EFHC1: variants seen among roughly 807,000 people sequenced by gnomAD.
EFHC1 encodes the protein EF-hand domain-containing protein 1.
Under a neutral mutation model 69.9 loss-of-function variants are expected in EFHC1, and 53 were observed. That is an observed-to-expected ratio of 0.76 (90% CI 0.61 to 0.95). The LOEUF is 0.95. Ranked by LOEUF, EFHC1 falls within the 40% of genes least tolerant of loss-of-function variation. The pLI is 0.00. For missense variants in EFHC1, 739 were observed against 798.7 expected (o/e 0.93, Z 0.90); for synonymous variants, 256 against 278.4 (o/e 0.92, Z 0.80).
Position 52,495,089 on chromosome 6 carries a change from T to C in EFHC1, c.*2748T>C, listed in dbSNP as rs756231505. The C allele has an allele frequency of 1.1e-5, 5 of 453,936 alleles. No homozygotes were observed. Among genetic ancestry groups the C allele is most frequent in the South Asian group, 7.8e-5 (5 of 64,474 alleles). 28.1% of individuals were successfully genotyped at this position (453,936 alleles called of 1,614,324 possible). A position where few individuals can be genotyped will look rare whatever the true frequency, so the allele number is the denominator to read the frequency against. On this transcript the variant is annotated 3_prime_UTR_variant, in exon 11 of 11. Transcript: ENST00000371068. ...CTGTACCTGATCACCCCGGCTCTAA[T>C]GGTATGGTCTCCAAGGCTCCTTCTG...
At chr6:52,469,290 C>G in intron 6 of EFHC1, 43 bp from the exon 7 acceptor site, 6 of 1,612,438 alleles carry the variant, frequency 3.7e-6, no homozygotes, top group Non-Finnish European at 5.1e-6. Context: ...AATCTTAACA[C>G]AAGTAGTATC....
intron 3 of EFHC1, among the ~76,000 whole-genome samples, chr6:52,442,051 G>A (rs1328779105): frequency 6.6e-6 from 1 of 152,156 alleles, no homozygotes; most frequent in African/African-American, 2.4e-5. Flanking sequence ...TCCAAACAGG[G>A]ATAGTTTGAC....
chr6:52,479,038 A>G lies in EFHC1; in HGVS notation c.1280A>G (p.Glu427Gly), dbSNP rs756563341. 6.5e-5 allele frequency: 105 copies of G among 1,613,286 alleles called. No individual in the cohort carries two copies. The highest frequency in any genetic ancestry group is 8.3e-5 in the Non-Finnish European group (98 of 1,179,882). The change falls in exon 8 of 11, where the codon GAA becomes GGA. Residue 427 changes from glutamate (E) to glycine (G), a missense_variant and splice_region_variant. By Grantham distance (98) the Glu-to-Gly change is moderately conservative. Transcript: ENST00000371068. ...NKVLRYLAVL[E>G]SPIPEDKDRR... Reference sequence around the variant, plus strand: ...ATCCTCTTTTCTTCACCTTTGTAGGAATCCCCCATCCCAGAAGACAAAGAC... The same window carrying G: ...ATCCTCTTTTCTTCACCTTTGTAGGGATCCCCCATCCCAGAAGACAAAGAC...
chr6:52,448,372 A>C (rs1168196400), intron 3 of EFHC1, among the ~76,000 whole-genome samples: 1 of 152,252 alleles, frequency 6.6e-6, no homozygotes, highest in Non-Finnish European at 1.5e-5. Flanking sequence ...CCTCTGAGCC[A>C]GGTGCGGGAT....
chr6:52,492,613 T>G lies in EFHC1; in HGVS notation c.*272T>G. 1.8e-6 allele frequency: 1 copy of G among 553,398 alleles called. No homozygotes were observed. The highest frequency in any genetic ancestry group is 1.5e-5 in the South Asian group (1 of 64,618). The allele number at this position is 553,398 out of a possible 1,614,324, so 34.3% of individuals were successfully genotyped here. Reference sequence around the variant, plus strand: ...CCCAAATATTTCCTTTCTTTCTTTTTAAAAAAATAAATTTTTTTAGAGATG... The same window carrying G: ...CCCAAATATTTCCTTTCTTTCTTTTGAAAAAAATAAATTTTTTTAGAGATG... On this transcript the variant is annotated 3_prime_UTR_variant, in exon 11 of 11. Coordinates refer to ENST00000371068, the MANE Select transcript of EFHC1 (RefSeq NM_018100.4).
At chr6:52,462,286 A>G (rs1488756403) in intron 5 of EFHC1, among the ~76,000 whole-genome samples, 1 of 152,028 alleles carries the variant, frequency 6.6e-6, no homozygotes, top group Non-Finnish European at 1.5e-5. Flanking sequence ...ACTCTAAAAA[A>G]AAGAGGTACT....
chr6:52,490,149 T>C lies in EFHC1; in HGVS notation c.1650T>C (p.Thr550=). Residue 550 remains threonine, a synonymous_variant, in exon 10 of 11, where the codon ACT becomes ACC. Transcript: ENST00000371068. Reference sequence around the variant, plus strand: ...CTTCCTTTCTCTACAGCAAGCAAACTGAAAAGGATCCAGGCGTGCAGGAAT... The same window carrying C: ...CTTCCTTTCTCTACAGCAAGCAAACCGAAAAGGATCCAGGCGTGCAGGAAT... The part of the protein sequence containing the change: ...APAPEAESKQ[T]EKDPGVQELE... The C allele has an allele frequency of 6.2e-7, 1 of 1,613,610 alleles. No homozygotes were observed. Among genetic ancestry groups the C allele is most frequent in the Non-Finnish European group, 8.5e-7 (1 of 1,179,878 alleles).
chr6:52,477,120 C>T (rs536276634), intron 7 of EFHC1, among the ~76,000 whole-genome samples: 13 of 152,104 alleles, frequency 8.5e-5, no homozygotes, highest in South Asian at 8.3e-4. Flanking sequence ...CCCAACCCCC[C>T]GGTATGCCCC....
rs781476033 is a variant in EFHC1 at position 52,438,517 on chromosome 6, G to A, written c.499G>A (p.Asp167Asn). The A allele has an allele frequency of 1.9e-6, 3 of 1,614,084 alleles. No individual in the cohort carries two copies. In the South Asian group the frequency reaches 3.3e-5, roughly 18 times the overall value. ...CCGGGGTGACCATTACCATTGGAAA[G>A]ACCTAAATCGAGGAATAAACATCAC... ...NDRGDHYHWK[D>N]LNRGINITIY... is the part of the protein sequence containing the mutation. The change falls in exon 3 of 11, where the codon GAC (aspartate) becomes AAC (asparagine). Residue 167 changes from aspartate (D) to asparagine (N), a missense_variant. Coordinates refer to ENST00000371068, the MANE Select transcript of EFHC1 (RefSeq NM_018100.4).
chr6:52,433,331 C>T (rs1378529341), intron 2 of EFHC1, among the ~76,000 whole-genome samples: 1 of 152,156 alleles, frequency 6.6e-6, no homozygotes, highest in East Asian at 1.9e-4. Context: ...GTATAGGGCT[C>T]AAGGCTGTTG....
At chr6:52,467,347 A>G (rs1345931727) in intron 6 of EFHC1, among the ~76,000 whole-genome samples, 1 of 149,852 alleles carries the variant, frequency 6.7e-6, no homozygotes, top group Non-Finnish European at 1.5e-5. Flanking sequence ...CACCCAGCTA[A>G]TTTTTGTATT....
chr6:52,434,824 G>A (rs1266880565), intron 2 of EFHC1, among the ~76,000 whole-genome samples: 1 of 151,966 alleles, frequency 6.6e-6, no homozygotes, highest in African/African-American at 2.4e-5. Context: ...ATAGATAAGT[G>A]CCTTTTAAAA....
At chr6:52,480,413 T>G (rs1455858034) in intron 9 of EFHC1, among the ~76,000 whole-genome samples, 1 of 152,204 alleles carries the variant, frequency 6.6e-6, no homozygotes, top group East Asian at 1.9e-4. Flanking sequence ...AATTATTAAA[T>G]GCCTATTATG....
chr6:52,436,261 A>C (rs1178003113), intron 2 of EFHC1, among the ~76,000 whole-genome samples: 1 of 151,984 alleles, frequency 6.6e-6, no homozygotes, highest in Non-Finnish European at 1.5e-5. Flanking sequence ...TATCCATTTT[A>C]TCTTTTTATT....
At chr6:52,480,050 TG>T (rs1765641527) in intron 9 of EFHC1, 1 of 619,842 alleles carries the variant, frequency 1.6e-6, no homozygotes, top group Admixed American at 3.0e-5. Context: ...TGAAAATTCA[TG>T]TATAACTTTT....
chr6:52,435,306 T>G (rs1161271038), intron 2 of EFHC1, among the ~76,000 whole-genome samples: 4 of 152,182 alleles, frequency 2.6e-5, no homozygotes, highest in African/African-American at 9.7e-5. Context: ...TGATAGTAAT[T>G]CTATGCTTTC....
chr6:52,420,349 G>C lies in EFHC1; in HGVS notation c.-62G>C. The C allele has an allele frequency of 6.2e-7, 1 of 1,607,608 alleles. No homozygotes were observed. Among genetic ancestry groups the C allele is most frequent in the Non-Finnish European group, 8.5e-7 (1 of 1,174,060 alleles). ...CTGGAGGTGCCCGCGAACACTGCTTGTCGCCTGGGCAACCGGAGAGGACGA... is the reference window on the plus strand; with the variant it reads ...CTGGAGGTGCCCGCGAACACTGCTTCTCGCCTGGGCAACCGGAGAGGACGA... On this transcript the variant is annotated 5_prime_UTR_variant, in exon 1 of 11. Coordinates refer to ENST00000371068, the MANE Select transcript of EFHC1 (RefSeq NM_018100.4).
At chr6:52,442,341 C>A (rs2113982952) in intron 3 of EFHC1, among the ~76,000 whole-genome samples, 1 of 152,138 alleles carries the variant, frequency 6.6e-6, no homozygotes, top group South Asian at 2.1e-4. Flanking sequence ...TACATGCGCA[C>A]AACGTGCAGG....
chr6:52,486,822 T>C (rs1474172510), intron 9 of EFHC1: 1 of 152,242 alleles, frequency 6.6e-6, no homozygotes, highest in African/African-American at 2.4e-5. Flanking sequence ...TTTTTGACTT[T>C]TTTTAATGAC....
Sources: gnomAD v4.1 joint callset for allele counts (sites outside exome capture counted in the v4.1 genomes callset) on GRCh38, gnomAD v4.1.1 for gene constraint, MANE v1.5 for transcripts, NCBI Gene and HGNC (gene_info 2026-07-23, HGNC 2026-07-21) for gene names.